UBA3: variants seen among roughly 807,000 people sequenced by gnomAD.
UBA3 encodes the protein ubiquitin like modifier activating enzyme 3.
Under a neutral mutation model 73.5 loss-of-function variants are expected in UBA3, and 26 were observed. The ratio of observed to expected loss-of-function variants is 0.35; its 90% CI spans 0.26 to 0.49. The LOEUF (loss-of-function observed/expected upper bound fraction) is 0.49. Among genes scored for constraint, UBA3 ranks in the 20% least tolerant of loss-of-function variants. The probability of loss-of-function intolerance (pLI) is 0.98; values close to 1 mark genes in which losing one functional copy is unlikely to be tolerated. For synonymous variants in UBA3, 217 were observed against 191.2 expected (o/e 1.13, Z -1.11); for missense variants, 495 against 555.6 (o/e 0.89, Z 1.10).
intron 5 of UBA3, among the ~76,000 whole-genome samples, chr3:69,070,529 T>C (rs535657032): frequency 4.9e-4 from 74 of 152,312 alleles, no homozygotes; most frequent in African/African-American, 1.7e-3. Flanking sequence ...CTGTGTATCT[T>C]TGACTAACAA....
chr3:69,071,178 G>C (rs541551050), intron 5 of UBA3: 27 of 178,580 alleles, frequency 1.5e-4, no homozygotes, highest in Admixed American at 1.2e-3. Context: ...CTCTCACTAG[G>C]GCCTAATACT....
intron 4 of UBA3, among the ~76,000 whole-genome samples, 159 bp from the exon 5 acceptor site, chr3:69,071,776 C>A (rs745906847): frequency 1.8e-4 from 27 of 152,158 alleles, no homozygotes; most frequent in Non-Finnish European, 2.9e-4. Context: ...ATATAAAATT[C>A]AGAGTTCTTG....
At chr3:69,060,915 G>T (rs902596864) in intron 11 of UBA3, among the ~76,000 whole-genome samples, 7 of 152,124 alleles carry the variant, frequency 4.6e-5, no homozygotes, top group African/African-American at 1.7e-4. Flanking sequence ...GCTTCCTGAG[G>T]TCTCACCAGA....
In UBA3 at chr3:69,077,892, T is replaced by A; in HGVS notation, c.89A>T (p.Asp30Val). Reference protein sequence around the residue: ...EKMAVDGGCGDTGDWEGRWNH... With the variant: ...EKMAVDGGCGVTGDWEGRWNH... ...CCAGCGACCTTCCCAGTCTCCAGTG[T>A]CCCCACACCCACCATCAACAGCCAT... The change falls in exon 3 of 18, where the codon GAC becomes GTC. Residue 30 changes from aspartate (D) to valine (V), a missense_variant. Asp to Val is a radical substitution (Grantham distance 152, BLOSUM62 -3). Transcript: ENST00000361055. The A allele has an allele frequency of 1.2e-6, 2 of 1,613,954 alleles. No homozygotes were observed. The highest frequency in any genetic ancestry group is 1.7e-6 in the Non-Finnish European group (2 of 1,179,982).
intron 4 of UBA3, among the ~76,000 whole-genome samples, chr3:69,073,977 TA>T (rs1178024699): frequency 1.2e-4 from 19 of 152,110 alleles, no homozygotes; most frequent in African/African-American, 4.3e-4. Flanking sequence ...AATGAGCCTT[TA>T]GGGGGCTTAC....
chr3:69,077,245 C>T (rs1250631693), intron 3 of UBA3: 1 of 151,780 alleles, frequency 6.6e-6, no homozygotes, highest in Non-Finnish European at 1.5e-5. Flanking sequence ...TTTCAAAATA[C>T]TATCTTTTTA....
chr3:69,075,615 C>T (rs530324887), intron 3 of UBA3, 105 bp from the exon 4 acceptor site: 1 of 499,382 alleles, frequency 2.0e-6, no homozygotes, highest in Non-Finnish European at 3.3e-6. Context: ...GGAAAAAATG[C>T]CACTAGGATA....
At chr3:69,079,885 G>A (rs2092203111) in intron 2 of UBA3, 4 of 516,036 alleles carry the variant, frequency 7.8e-6, no homozygotes, top group African/African-American at 2.1e-5. Flanking sequence ...CCCTGCAGGA[G>A]CTGGGGCAGT....
intron 11 of UBA3, 183 bp downstream of exon 11, chr3:69,061,631 G>C (rs2092021826): frequency 6.1e-6 from 3 of 489,246 alleles, no homozygotes; most frequent in Non-Finnish European, 1.1e-5. Context: ...TATAGCCTAA[G>C]TAAGTAAGAT....
At position 69,080,326 on chromosome 3, in the gene UBA3, G is replaced by T. The variant is rs764130332; in HGVS notation, c.20+8C>A. On this transcript the variant is annotated splice_region_variant and intron_variant, in intron 1 of 17. Coordinates refer to ENST00000361055, the MANE Select transcript of UBA3 (RefSeq NM_003968.4). Reference sequence around the variant, plus strand: ...AGCCCGGCGCGTCTGCAGAGCCCCGGTACTTACGGCTCCTCGCCATCCGCC... The same window carrying T: ...AGCCCGGCGCGTCTGCAGAGCCCCGTTACTTACGGCTCCTCGCCATCCGCC... 9 of 1,603,822 alleles carry T rather than the reference G, an allele frequency of 5.6e-6. No homozygotes were observed. Among genetic ancestry groups the T allele is most frequent in the Admixed American group, 1.7e-5 (1 of 59,502 alleles).
Position 69,072,034 on chromosome 3 carries a change from A to G in UBA3, c.265-417T>C, listed in dbSNP as rs182451375. ...TAGTTTACTTAATATTAAGCATGCC[A>G]CAATTCAGAAATGGTAACTATTATA... On this transcript the variant is annotated intron_variant, in intron 4 of 17. Coordinates refer to ENST00000361055, the MANE Select transcript of UBA3 (RefSeq NM_003968.4). 5.7e-3 allele frequency among the ~76,000 whole-genome samples: 875 copies of G among 152,328 alleles called. 9 individuals are homozygous for G. The highest frequency in any genetic ancestry group is 0.02 in the African/African-American group (818 of 41,576).
Position 69,064,069 on chromosome 3 carries a change from T to G in UBA3, c.471A>C (p.Arg157=), listed in dbSNP as rs750511747. The G allele has an allele frequency of 1.9e-6, 3 of 1,603,424 alleles. No individual in the cohort carries two copies. The highest frequency in any genetic ancestry group is 2.6e-6 in the Non-Finnish European group (3 of 1,176,182). ...ATTAATTTCAAGTAAAAAACTTACG[T>G]CGATAGAAAGTGTCGTTAAAATCTT... ...KIQDFNDTFY[R]QFHIIVCGLD... is the part of the protein sequence containing the mutation. The change falls in exon 7 of 18, where the codon CGA becomes CGC. Residue 157 remains arginine, a splice_region_variant and synonymous_variant. Transcript: ENST00000361055.
chr3:69,077,295 T>G (rs2092176230), intron 3 of UBA3: 1 of 152,152 alleles, frequency 6.6e-6, no homozygotes, highest in Non-Finnish European at 1.5e-5. Flanking sequence ...TACTTTTCCC[T>G]ACCCTGTAAT....
chr3:69,062,910 C>A, intron 9 of UBA3, 72 bp downstream of exon 9: 1 of 1,528,218 alleles, frequency 6.5e-7, no homozygotes, highest in Non-Finnish European at 8.9e-7. Flanking sequence ...TAAATATTAA[C>A]TAGACTTAAT....
In UBA3 at chr3:69,070,132, A is replaced by G. The variant is rs12152468; in HGVS notation, c.347+1403T>C. Among the ~76,000 whole-genome samples the G allele has an allele frequency of 1.8e-3, 279 of 152,372 alleles. 2 individuals carry two copies. Among genetic ancestry groups the G allele is most frequent in the Admixed American group, 6.4e-3 (98 of 15,308 alleles). ...CCATTTTAGCCACAAATTAAAGGGT[A>G]TGGCCTGTATCAATAACAAATCAAT... On this transcript the variant is annotated intron_variant, in intron 5 of 17. Coordinates refer to ENST00000361055, the MANE Select transcript of UBA3 (RefSeq NM_003968.4).
Position 69,071,624 on chromosome 3 carries a change from G to A in UBA3, c.265-7C>T. The A allele has an allele frequency of 6.6e-7, 1 of 1,508,764 alleles. No individual in the cohort carries two copies. The highest frequency in any genetic ancestry group is 2.5e-5 in the East Asian group (1 of 40,224). 93.5% of individuals were successfully genotyped at this position (1,508,764 alleles called of 1,614,324 possible). ...GTCTAAAACCAGACAAGGCCTGTGG[G>A]AATAAAAACAATCCAATTAAGCAGA... is the stretch of plus-strand genomic sequence containing the variant. On this transcript the variant is annotated splice_region_variant and splice_polypyrimidine_tract_variant and intron_variant, in intron 4 of 17. Transcript: ENST00000361055.
At position 69,072,081 on chromosome 3, in the gene UBA3, A is replaced by C. The variant is rs939478080; in HGVS notation, c.265-464T>G. The stretch of plus-strand genomic sequence containing the variant: ...TATAAGACATATATTATAAAAACAC[A>C]CACATGGGTAGGCTGTATTTGTAAA... On this transcript the variant is annotated intron_variant, in intron 4 of 17. Transcript: ENST00000361055. Among the ~76,000 whole-genome samples the C allele has an allele frequency of 3.9e-5, 6 of 152,218 alleles. 1 individual carries two copies. Among genetic ancestry groups the C allele is most frequent in the African/African-American group, 1.2e-4 (5 of 41,458 alleles).
At chr3:69,064,401 T>C (rs2107488722) in intron 6 of UBA3, among the ~76,000 whole-genome samples, 1 of 152,334 alleles carries the variant, frequency 6.6e-6, no homozygotes, top group Non-Finnish European at 1.5e-5. Context: ...GGTTTTTATA[T>C]AAAACCATAA....
At chr3:69,067,853 T>C in intron 6 of UBA3, 75 bp downstream of exon 6, 1 of 1,129,356 alleles carries the variant, frequency 8.9e-7, no homozygotes, top group Admixed American at 2.1e-5. Flanking sequence ...ATCTGTATTC[T>C]CTGTTAAATA....
Sources: allele counts gnomAD v4.1 joint callset (sites outside exome capture counted in the v4.1 genomes callset), GRCh38; gene constraint gnomAD v4.1.1; transcripts MANE v1.5; gene names NCBI Gene and HGNC (gene_info 2026-07-23, HGNC 2026-07-21).